SYNE2: variants seen among roughly 807,000 people sequenced by gnomAD.
SYNE2 encodes the protein spectrin repeat containing nuclear envelope protein 2.
SYNE2 carries 431 observed loss-of-function variants against 856.3 expected under a neutral mutation model. The observed-to-expected ratio is 0.50, with a 90% CI of 0.47 to 0.55. SYNE2 has a LOEUF of 0.55. Among genes scored for constraint, SYNE2 ranks in the 20% least tolerant of loss-of-function variants. The pLI is 0.00. For missense variants in SYNE2, 8,129 were observed against 8,023.2 expected, an observed-to-expected ratio of 1.01 and a Z score of -0.50; for synonymous variants, 2,923 against 2,872.3, an observed-to-expected ratio of 1.02 and a Z score of -0.56.
Position 63,997,044 on chromosome 14 carries a change from A to G in SYNE2, c.3038A>G (p.Gln1013Arg), listed in dbSNP as rs1464394233. 1 of 1,614,122 alleles carries G rather than the reference A, an allele frequency of 6.2e-7. No homozygotes were observed. The highest frequency in any genetic ancestry group is 1.7e-5 in the Admixed American group (1 of 60,012). ...CEELPSQKSQ[Q>R]EVKRLLKDYE... The stretch of plus-strand genomic sequence containing the variant: ...GAGCTGCCTTCACAGAAGAGTCAAC[A>G]AGAAGTGAAGAGACTACTCAAAGAT... The change falls in exon 24 of 116, where the codon CAA becomes CGA. Residue 1013 changes from glutamine to arginine, a missense_variant. Coordinates refer to ENST00000555002, the MANE Select transcript of SYNE2 (RefSeq NM_182914.3).
intron 85 of SYNE2, among the ~76,000 whole-genome samples, chr14:64,158,354 G>C (rs900475172): frequency 6.6e-6 from 1 of 152,302 alleles, no homozygotes; most frequent in Non-Finnish European, 1.5e-5. Context: ...TACTCACCCA[G>C]TGTTCTTTCC....
At chr14:64,162,367 C>T in intron 88 of SYNE2, 91 bp downstream of exon 88, 1 of 1,334,536 alleles carries the variant, frequency 7.5e-7, no homozygotes, top group Non-Finnish European at 1.1e-6. Flanking sequence ...AGACAGACCA[C>T]AGGGACAGAG....
Position 64,119,710 on chromosome 14 carries a change from A to G in SYNE2, c.13023+101A>G. The G allele has an allele frequency of 7.3e-6, 9 of 1,225,018 alleles. 1 individual carries two copies. The South Asian group carries it at 1.3e-4, about 17-fold the overall frequency. 75.9% of individuals were successfully genotyped at this position (1,225,018 alleles called of 1,614,324 possible). A position where few individuals can be genotyped will look rare whatever the true frequency, so the allele number is the denominator to read the frequency against. On this transcript the variant is annotated intron_variant, in intron 67 of 115. Coordinates refer to ENST00000555002, the MANE Select transcript of SYNE2 (RefSeq NM_182914.3). ...GAAGTGATGAACCAGCTACAGAGAA[A>G]CTGTACTAAGTGTGAAAGAATTTCA... is the stretch of plus-strand genomic sequence containing the variant.
In SYNE2 at chr14:64,097,938, T is replaced by C; in HGVS notation, c.12109-11T>C. Reference sequence around the variant, plus strand: ...ACTTCTCAAACCTATGCAAACACTCTTTCTACACAGGGAGAAATCGAACGT... The same window carrying C: ...ACTTCTCAAACCTATGCAAACACTCCTTCTACACAGGGAGAAATCGAACGT... On this transcript the variant is annotated splice_polypyrimidine_tract_variant and intron_variant, in intron 61 of 115. Coordinates refer to ENST00000555002, the MANE Select transcript of SYNE2 (RefSeq NM_182914.3). 6.2e-7 allele frequency: 1 copy of C among 1,612,792 alleles called. No individual in the cohort carries two copies. Among genetic ancestry groups the C allele is most frequent in the Non-Finnish European group, 8.5e-7 (1 of 1,179,420 alleles).
At chr14:63,787,729 G>A (rs1270959363) in intron 1 of SYNE2, among the ~76,000 whole-genome samples, 1 of 152,172 alleles carries the variant, frequency 6.6e-6, no homozygotes, top group Non-Finnish European at 1.5e-5. Context: ...ATGGACCTCG[G>A]AGAGGACAAA....
At chr14:64,133,927 T>TA in intron 77 of SYNE2, 142 bp from the exon 78 acceptor site, 2 of 894,856 alleles carry the variant, frequency 2.2e-6, no homozygotes, top group Non-Finnish European at 3.6e-6. Context: ...AGGGTGGGGT[T>TA]ACGTCTCTCG....
intron 59 of SYNE2, among the ~76,000 whole-genome samples, chr14:64,090,578 C>G (rs776161121): frequency 2.0e-5 from 3 of 151,826 alleles, no homozygotes; most frequent in African/African-American, 7.3e-5. Context: ...TGACAATATA[C>G]ACAGCAGAAC....
rs192584109 is a variant in SYNE2 at position 64,226,187 on chromosome 14, T to A, written c.*661T>A. On this transcript the variant is annotated 3_prime_UTR_variant, in exon 116 of 116. Coordinates refer to ENST00000555002, the MANE Select transcript of SYNE2 (RefSeq NM_182914.3). Reference sequence around the variant, plus strand: ...GAATAATGTAAACTTCGATTTTTTTTTAAAAAAATTAGATTTTAGCTGGAG... The same window carrying A: ...GAATAATGTAAACTTCGATTTTTTTATAAAAAAATTAGATTTTAGCTGGAG... The A allele has an allele frequency of 9.4e-3, 1,439 of 152,844 alleles. 10 individuals are homozygous for A. The highest frequency in any genetic ancestry group is 0.018 in the African/African-American group (733 of 41,572). The allele number at this position is 152,844 out of a possible 1,614,324, so 9.5% of individuals were successfully genotyped here. A position where few individuals can be genotyped will look rare whatever the true frequency, so the allele number is the denominator to read the frequency against.
chr14:63,974,888 G>GTATATA (rs1370206967), intron 11 of SYNE2, among the ~76,000 whole-genome samples: 32 of 26,452 alleles, frequency 1.2e-3, no homozygotes, highest in African/African-American at 2.8e-3. Flanking sequence ...GTGTGTGTGT[G>GTATATA]TGTGTATATA....
At position 63,836,745 on chromosome 14, in the gene SYNE2, C is replaced by T. The variant is rs1469240615; in HGVS notation, c.-304-15756C>T. Among the ~76,000 whole-genome samples the T allele has an allele frequency of 2.0e-5, 3 of 152,302 alleles. No individual in the cohort carries two copies. The East Asian group carries it at 5.8e-4, about 29-fold the overall frequency. Reference sequence around the variant, plus strand: ...CTGCCAACATCTGTCTTTGCCTCTCCTTTCTCCCCCGACAGTCTGTGCTCA... The same window carrying T: ...CTGCCAACATCTGTCTTTGCCTCTCTTTTCTCCCCCGACAGTCTGTGCTCA... On this transcript the variant is annotated intron_variant, in intron 1 of 23. Coordinates refer to the SYNE2 transcript ENST00000674003.
At position 64,024,297 on chromosome 14, in the gene SYNE2, A is replaced by G. The variant is rs1390975564; in HGVS notation, c.5678A>G (p.Gln1893Arg). 1 of 1,614,144 alleles carries G rather than the reference A, an allele frequency of 6.2e-7. No homozygotes were observed. Among genetic ancestry groups the G allele is most frequent in the Admixed American group, 1.7e-5 (1 of 60,016 alleles). Residue 1893 changes from glutamine to arginine, a missense_variant, in exon 39 of 116, where the codon CAG (glutamine) becomes CGG (arginine). Physicochemically the swap from Gln to Arg is conservative, Grantham distance 43. Around this residue, in one of 3 missense-constraint regions of SYNE2, gnomAD observed 2,422 missense variants for 2,357.4 expected, o/e 1.03. Coordinates refer to ENST00000555002, the MANE Select transcript of SYNE2 (RefSeq NM_182914.3). ...GAAGGAAGAAACAGTAAAATAAAGCAGGTGGACAGCGTACTGAAGCATGTG... is the reference window on the plus strand; with the variant it reads ...GAAGGAAGAAACAGTAAAATAAAGCGGGTGGACAGCGTACTGAAGCATGTG... The part of the protein sequence containing the change: ...TLEGRNSKIK[Q>R]VDSVLKHVKK...
chr14:64,168,740 G>A lies in SYNE2; in HGVS notation c.16906-137G>A, dbSNP rs1353776772. ...TTGATATGATAGTTGAACATTTTTT[G>A]CAGTAGGTTCAAATAATATGAAAAT... is the stretch of plus-strand genomic sequence containing the variant. On this transcript the variant is annotated intron_variant, in intron 92 of 115. Coordinates refer to ENST00000555002, the MANE Select transcript of SYNE2 (RefSeq NM_182914.3). The A allele has an allele frequency of 4.6e-6, 3 of 657,968 alleles. No individual in the cohort carries two copies. In the African/African-American group the frequency reaches 5.5e-5, roughly 12 times the overall value. 40.8% of individuals were successfully genotyped at this position (657,968 alleles called of 1,614,324 possible).
At chr14:63,777,519 A>G (rs1248671673) in intron 1 of SYNE2, among the ~76,000 whole-genome samples, 1 of 152,148 alleles carries the variant, frequency 6.6e-6, no homozygotes. Context: ...CCTCAAACAA[A>G]ACAAAACAAA....
chr14:64,221,461 G>GTAA, intron 111 of SYNE2, 115 bp from the exon 112 acceptor site: 1 of 1,598,510 alleles, frequency 6.3e-7, no homozygotes, highest in Non-Finnish European at 8.6e-7. Flanking sequence ...TATTCAGTGG[G>GTAA]TAAGGCCAGA....
At chr14:64,107,305 A>G (rs904389769) in intron 64 of SYNE2, among the ~76,000 whole-genome samples, 186 bp from the exon 65 acceptor site, 2 of 152,236 alleles carry the variant, frequency 1.3e-5, no homozygotes, top group Non-Finnish European at 2.9e-5. Flanking sequence ...AGTCTTTCAA[A>G]TAAAGACAGT....
intron 45 of SYNE2, among the ~76,000 whole-genome samples, chr14:64,046,173 A>G (rs2097184922): frequency 6.6e-6 from 1 of 152,230 alleles, no homozygotes. Flanking sequence ...GGGCTCCACA[A>G]ATATTTATTG....
intron 2 of SYNE2, among the ~76,000 whole-genome samples, chr14:63,923,510 T>A (rs2095624899): frequency 6.6e-6 from 1 of 152,238 alleles, no homozygotes; most frequent in African/African-American, 2.4e-5. Flanking sequence ...TAATCATTAA[T>A]TCAATAAATG....
chr14:63,976,540 C>CTTTT (rs34440267), intron 11 of SYNE2, 23 bp from the exon 12 acceptor site: 664 of 1,361,158 alleles, frequency 4.9e-4, no homozygotes, highest in African/African-American at 2.5e-3. Context: ...AGAATATGTT[C>CTTTT]TTTTTTTTTT....
intron 1 of SYNE2, among the ~76,000 whole-genome samples, chr14:63,818,286 G>T: frequency 6.9e-6 from 1 of 145,068 alleles, no homozygotes; most frequent in South Asian, 2.2e-4. Context: ...AGTGAGCTGA[G>T]ATTGCACCAC....
Sources: gnomAD v4.1 joint callset for allele counts (sites outside exome capture counted in the v4.1 genomes callset) on GRCh38, gnomAD v4.1.1 for gene constraint, gnomAD v4.1.1 regional missense constraint, MANE v1.5 for transcripts, NCBI Gene and HGNC (gene_info 2026-07-23, HGNC 2026-07-21) for gene names.